Variants in SPOCK1 observed in about 807,000 individuals in gnomAD.
SPOCK1 encodes the protein testican-1.
In SPOCK1, 23 loss-of-function variants were observed where a neutral mutation model predicts 55.3. The ratio of observed to expected loss-of-function variants is 0.42; its 90% CI spans 0.30 to 0.59. The LOEUF is 0.59. SPOCK1 is among the 20% of genes least tolerant of loss of function. The probability of loss-of-function intolerance (pLI) is 0.22; values close to 1 mark genes in which losing one functional copy is unlikely to be tolerated. For missense variants in SPOCK1, 499 were observed against 552.5 expected (o/e 0.90, Z 0.97); for synonymous variants, 226 against 221.0 (o/e 1.02, Z -0.20).
At chr5:137,198,263 T>C (rs1019664709) in intron 3 of SPOCK1, among the ~76,000 whole-genome samples, 8 of 152,246 alleles carry the variant, frequency 5.3e-5, no homozygotes, top group Non-Finnish European at 8.8e-5. Flanking sequence ...CTGCAATGAA[T>C]GCATTTCTGC....
chr5:137,112,350 C>T, intron 5 of SPOCK1, 85 bp downstream of exon 5: 1 of 1,539,144 alleles, frequency 6.5e-7, no homozygotes, highest in Non-Finnish European at 8.7e-7. Flanking sequence ...ACCACGCTTC[C>T]CAAGCCCCAG....
At chr5:137,280,438 G>A (rs1757148761) in intron 2 of SPOCK1, among the ~76,000 whole-genome samples, 1 of 152,172 alleles carries the variant, frequency 6.6e-6, no homozygotes. Context: ...TAAAGTAGGA[G>A]CAATTTTCAG....
At chr5:137,285,987 T>C (rs780578765) in intron 2 of SPOCK1, among the ~76,000 whole-genome samples, 1 of 152,238 alleles carries the variant, frequency 6.6e-6, no homozygotes, top group African/African-American at 2.4e-5. Context: ...TTAAAAATCA[T>C]TCTAAACTAG....
chr5:137,158,349 C>T (rs1341034257), intron 3 of SPOCK1, among the ~76,000 whole-genome samples: 3 of 152,200 alleles, frequency 2.0e-5, no homozygotes, highest in Non-Finnish European at 4.4e-5. Flanking sequence ...CTCTCGCAGG[C>T]TCTGGGAGCT....
intron 3 of SPOCK1, among the ~76,000 whole-genome samples, chr5:137,260,775 G>C (rs1280020636): frequency 6.6e-6 from 1 of 152,162 alleles, no homozygotes; most frequent in Non-Finnish European, 1.5e-5. Flanking sequence ...TACTGAATTA[G>C]AATGTTTAAA....
chr5:137,274,270 A>C (rs1757021198), intron 2 of SPOCK1, among the ~76,000 whole-genome samples: 1 of 152,192 alleles, frequency 6.6e-6, no homozygotes, highest in Non-Finnish European at 1.5e-5. Context: ...CAGCCTTCTT[A>C]ATATCTAGGA....
In SPOCK1 at chr5:136,999,830, G is replaced by A. The variant is rs75227336; in HGVS notation, c.590-7230C>T. ...AAGCCACATTTGAACACCCAATTGG[G>A]GATGTCCGAAAATGGCAAATCTGAC... On this transcript the variant is annotated intron_variant, in intron 6 of 10. Transcript: ENST00000394945. Among the ~76,000 whole-genome samples the A allele has an allele frequency of 3.1e-3, 471 of 152,220 alleles. 9 individuals carry two copies. The highest frequency in any genetic ancestry group is 0.024 in the Middle Eastern group (7 of 294).
At chr5:137,452,635 G>A (rs1260955326) in intron 2 of SPOCK1, among the ~76,000 whole-genome samples, 1 of 152,142 alleles carries the variant, frequency 6.6e-6, no homozygotes, top group East Asian at 1.9e-4. Flanking sequence ...AATAATTCTT[G>A]TGAGAAAATA....
intron 2 of SPOCK1, among the ~76,000 whole-genome samples, chr5:137,331,090 A>C (rs1336569408): frequency 6.6e-6 from 1 of 152,164 alleles, no homozygotes; most frequent in Non-Finnish European, 1.5e-5. Flanking sequence ...GATTCCCAAG[A>C]GATTCAAAGG....
intron 4 of SPOCK1, among the ~76,000 whole-genome samples, chr5:137,117,057 C>A (rs1415286623): frequency 6.6e-6 from 1 of 152,164 alleles, no homozygotes; most frequent in East Asian, 1.9e-4. Flanking sequence ...TTTAACTTGA[C>A]AAAAGGTTAA....
chr5:137,379,071 A>C (rs931575161), intron 2 of SPOCK1, among the ~76,000 whole-genome samples: 1 of 152,186 alleles, frequency 6.6e-6, no homozygotes, highest in African/African-American at 2.4e-5. Context: ...AACCCAAGCC[A>C]CACTCTTCTC....
intron 6 of SPOCK1, among the ~76,000 whole-genome samples, chr5:137,003,809 G>C (rs6596362): frequency 0.26 from 39,789 of 152,078 alleles, 5,255 homozygotes; most frequent in Non-Finnish European, 0.29. Context: ...CAAAGAATTG[G>C]TGGAGGACCA....
chr5:137,481,242 G>A (rs1000173898), intron 2 of SPOCK1, among the ~76,000 whole-genome samples: 1 of 152,158 alleles, frequency 6.6e-6, no homozygotes, highest in African/African-American at 2.4e-5. Context: ...CCTCCCTGAG[G>A]CTCCCCTGGT....
intron 2 of SPOCK1, among the ~76,000 whole-genome samples, chr5:137,493,335 A>T (rs1178070459): frequency 6.6e-6 from 1 of 152,258 alleles, no homozygotes; most frequent in Non-Finnish European, 1.5e-5. Context: ...CCACTCCTCT[A>T]GGCAAGTATT....
chr5:137,007,490 G>A (rs1403696689), intron 6 of SPOCK1, among the ~76,000 whole-genome samples: 2 of 152,162 alleles, frequency 1.3e-5, no homozygotes, highest in Admixed American at 6.5e-5. Flanking sequence ...GATATGAACA[G>A]ACAGTTTTCA....
intron 3 of SPOCK1, among the ~76,000 whole-genome samples, chr5:137,219,040 C>A (rs1002683945): frequency 6.6e-6 from 1 of 152,090 alleles, no homozygotes; most frequent in Non-Finnish European, 1.5e-5. Context: ...TGAGAAGAAA[C>A]CTGTTTTATA....
intron 2 of SPOCK1, among the ~76,000 whole-genome samples, chr5:137,379,170 G>A (rs1284789868): frequency 6.6e-6 from 1 of 151,980 alleles, no homozygotes; most frequent in East Asian, 1.9e-4. Flanking sequence ...GTGGGCCAAG[G>A]AGCACTTGCC....
intron 6 of SPOCK1, among the ~76,000 whole-genome samples, chr5:137,060,330 A>T (rs1051424914): frequency 2.0e-5 from 3 of 152,188 alleles, no homozygotes; most frequent in African/African-American, 4.8e-5. Flanking sequence ...CCATTATCCT[A>T]AGCAAACTCA....
At chr5:137,079,201 T>G (rs1431225421) in intron 5 of SPOCK1, among the ~76,000 whole-genome samples, 2 of 152,248 alleles carry the variant, frequency 1.3e-5, no homozygotes. Flanking sequence ...CTTTCTTGCC[T>G]GTCTCTCTTA....
Sources: allele counts gnomAD v4.1 joint callset (sites outside exome capture counted in the v4.1 genomes callset), GRCh38; gene constraint gnomAD v4.1.1; transcripts MANE v1.5; gene names NCBI Gene and HGNC (gene_info 2026-07-23, HGNC 2026-07-21).